Variants in LHFPL3 observed in about 807,000 individuals in gnomAD.
LHFPL3 encodes LHFPL tetraspan subfamily member 3.
Under a neutral mutation model 19.3 loss-of-function variants are expected in LHFPL3, and 5 were observed. The observed-to-expected ratio is 0.26, with a 90% CI of 0.14 to 0.54. LHFPL3 has a LOEUF of 0.54. Among genes scored for constraint, LHFPL3 ranks in the 20% least tolerant of loss-of-function variants. LHFPL3 has a pLI of 0.94. For missense variants in LHFPL3, 249 were observed against 307.4 expected, an observed-to-expected ratio of 0.81 and a Z score of 1.42; for synonymous variants, 133 against 126.2, an observed-to-expected ratio of 1.05 and a Z score of -0.36.
intron 1 of LHFPL3, among the ~76,000 whole-genome samples, chr7:104,639,821 G>A (rs1297649952): frequency 6.6e-6 from 1 of 152,152 alleles, no homozygotes; most frequent in Non-Finnish European, 1.5e-5. Flanking sequence ...TAAAGTCATT[G>A]ACATCAAATA....
intron 2 of LHFPL3, among the ~76,000 whole-genome samples, chr7:104,770,398 C>CTCAGTTACTTTATTGAGACAA (rs1468567746): frequency 6.6e-6 from 1 of 152,134 alleles, no homozygotes; most frequent in Non-Finnish European, 1.5e-5. Context: ...GAGTTACTTG[C>CTCAGTTACTTTATTGAGACAA]CTGCTCATGG....
intron 1 of LHFPL3, among the ~76,000 whole-genome samples, chr7:104,481,969 G>T (rs543804328): frequency 6.6e-6 from 1 of 152,140 alleles, no homozygotes; most frequent in South Asian, 2.1e-4. Context: ...CTTCCACTCC[G>T]TGAGTGTTGC....
At chr7:104,594,841 C>T (rs549791490) in intron 1 of LHFPL3, among the ~76,000 whole-genome samples, 20 of 152,268 alleles carry the variant, frequency 1.3e-4, no homozygotes, top group Admixed American at 2.6e-4. Context: ...GCTATTGAAG[C>T]TTGTGCATGC....
chr7:104,378,938 A>G (rs7778325), intron 1 of LHFPL3, among the ~76,000 whole-genome samples: 51,861 of 152,064 alleles, frequency 0.34, 9,201 homozygotes, highest in Admixed American at 0.49. Flanking sequence ...TTTTTTAAAT[A>G]GAGTCTTTCA....
At chr7:104,367,031 G>A (rs1211654220) in intron 1 of LHFPL3, among the ~76,000 whole-genome samples, 1 of 152,144 alleles carries the variant, frequency 6.6e-6, no homozygotes, top group East Asian at 1.9e-4. Flanking sequence ...CCTGAAGCAT[G>A]TTTTCTAAAT....
chr7:104,493,289 A>G (rs1793393289), intron 1 of LHFPL3, among the ~76,000 whole-genome samples: 1 of 150,908 alleles, frequency 6.6e-6, no homozygotes. Context: ...TTCCTTCTCT[A>G]TCTTCTCTTC....
chr7:104,862,867 G>A (rs1441619468), intron 2 of LHFPL3, among the ~76,000 whole-genome samples: 1 of 152,210 alleles, frequency 6.6e-6, no homozygotes, highest in Non-Finnish European at 1.5e-5. Context: ...TAGCTGCCGA[G>A]TCGGAGCTGG....
At chr7:104,375,229 C>T (rs1790689327) in intron 1 of LHFPL3, among the ~76,000 whole-genome samples, 1 of 152,082 alleles carries the variant, frequency 6.6e-6, no homozygotes, top group Admixed American at 6.6e-5. Flanking sequence ...GTCCCAGCTA[C>T]ACCGGGGGTG....
intron 2 of LHFPL3, among the ~76,000 whole-genome samples, chr7:104,875,445 T>C (rs1325134635): frequency 2.0e-5 from 3 of 152,176 alleles, no homozygotes; most frequent in Admixed American, 6.5e-5. Flanking sequence ...CAATACTTAT[T>C]AGTCTTGACT....
At chr7:104,720,526 C>A (rs1218851814) in intron 1 of LHFPL3, among the ~76,000 whole-genome samples, 1 of 152,128 alleles carries the variant, frequency 6.6e-6, no homozygotes, top group Non-Finnish European at 1.5e-5. Flanking sequence ...GCAACAAAAA[C>A]CGAAATTGAC....
At position 104,906,217 on chromosome 7, in the gene LHFPL3, C is replaced by T; in HGVS notation, c.*2C>T. ...CTAAGCCAATATTCTCTAGAATGAG[C>T]ACAAAACAAATCGAATAACAGCTAA... On this transcript the variant is annotated 3_prime_UTR_variant, in exon 3 of 3. Coordinates refer to ENST00000424859, the MANE Select transcript of LHFPL3 (RefSeq NM_199000.3). 1 of 1,608,658 alleles carries T rather than the reference C, an allele frequency of 6.2e-7. No homozygotes were observed. Among genetic ancestry groups the T allele is most frequent in the South Asian group, 1.1e-5 (1 of 89,558 alleles).
intron 1 of LHFPL3, among the ~76,000 whole-genome samples, chr7:104,592,795 C>G (rs1338630587): frequency 2.0e-5 from 3 of 152,174 alleles, no homozygotes; most frequent in African/African-American, 7.2e-5. Context: ...ACTCAAGCCT[C>G]AGCAATGGTG....
intron 1 of LHFPL3, among the ~76,000 whole-genome samples, chr7:104,671,693 T>C (rs1792486514): frequency 6.6e-6 from 1 of 152,152 alleles, no homozygotes; most frequent in Non-Finnish European, 1.5e-5. Context: ...GACAAATTAT[T>C]TAACCCCTTT....
intron 1 of LHFPL3, among the ~76,000 whole-genome samples, chr7:104,526,317 C>T (rs189113435): frequency 6.6e-5 from 10 of 152,310 alleles, no homozygotes; most frequent in Admixed American, 4.6e-4. Flanking sequence ...ACACAAGAGC[C>T]TCATCTAGGA....
chr7:104,621,679 T>G (rs561612524), intron 1 of LHFPL3, among the ~76,000 whole-genome samples: 1 of 152,334 alleles, frequency 6.6e-6, no homozygotes, highest in East Asian at 1.9e-4. Flanking sequence ...GGGTTGTAAC[T>G]GGCTTTTTAG....
chr7:104,853,461 C>G (rs1791448073), intron 2 of LHFPL3, among the ~76,000 whole-genome samples: 2 of 152,250 alleles, frequency 1.3e-5, no homozygotes, highest in African/African-American at 4.8e-5. Flanking sequence ...TTTGCCTTTT[C>G]TGGCCAGCAC....
intron 1 of LHFPL3, among the ~76,000 whole-genome samples, chr7:104,475,503 T>C (rs1296779516): frequency 1.3e-5 from 2 of 152,132 alleles, no homozygotes; most frequent in African/African-American, 4.8e-5. Context: ...ACTTATAAGA[T>C]GAAAAAGTTG....
intron 1 of LHFPL3, among the ~76,000 whole-genome samples, chr7:104,631,139 C>G (rs1330895870): frequency 1.3e-5 from 2 of 152,126 alleles, no homozygotes; most frequent in East Asian, 3.9e-4. Flanking sequence ...ATCATCCTAG[C>G]TAACAACAAC....
At chr7:104,379,618 C>T (rs998414754) in intron 1 of LHFPL3, among the ~76,000 whole-genome samples, 1 of 152,146 alleles carries the variant, frequency 6.6e-6, no homozygotes. Context: ...GTACAATAGA[C>T]ACATTGGCTG....
Sources: allele counts gnomAD v4.1 joint callset (sites outside exome capture counted in the v4.1 genomes callset), GRCh38; gene constraint gnomAD v4.1.1; transcripts MANE v1.5; gene names NCBI Gene and HGNC (gene_info 2026-07-23, HGNC 2026-07-21).